SNTB1: variants seen among roughly 807,000 people sequenced by gnomAD.
The protein encoded by SNTB1 is beta-1-syntrophin.
Under a neutral mutation model 48.9 loss-of-function variants are expected in SNTB1, and 36 were observed. The ratio of observed to expected loss-of-function variants is 0.74; its 90% CI spans 0.56 to 0.97. The LOEUF (loss-of-function observed/expected upper bound fraction) is 0.97, where lower values mean the gene tolerates loss of function less well. Among genes scored for constraint, SNTB1 ranks in the 50% least tolerant of loss-of-function variants. The pLI is 0.00. For missense variants in SNTB1, 786 were observed against 703.4 expected (o/e 1.12, Z -1.33); for synonymous variants, 299 against 294.6 (o/e 1.01, Z -0.15).
At chr8:120,664,794 G>C (rs980340156) in intron 2 of SNTB1, among the ~76,000 whole-genome samples, 3 of 152,202 alleles carry the variant, frequency 2.0e-5, no homozygotes, top group African/African-American at 7.2e-5. Context: ...ATAGCTAGGA[G>C]AGGAATTGCT....
chr8:120,603,992 T>C (rs186683615), intron 3 of SNTB1, among the ~76,000 whole-genome samples: 1 of 152,088 alleles, frequency 6.6e-6, no homozygotes, highest in African/African-American at 2.4e-5. Flanking sequence ...TCAAAAGGAA[T>C]CCTGCTCTTC....
intron 1 of SNTB1, among the ~76,000 whole-genome samples, chr8:120,784,915 C>T (rs1819897092): frequency 6.6e-6 from 1 of 152,162 alleles, no homozygotes; most frequent in Non-Finnish European, 1.5e-5. Context: ...GCCTCTATGA[C>T]ACAACCCCAC....
At chr8:120,784,558 G>A (rs1029371301) in intron 1 of SNTB1, among the ~76,000 whole-genome samples, 1 of 152,132 alleles carries the variant, frequency 6.6e-6, no homozygotes, top group African/African-American at 2.4e-5. Flanking sequence ...ACAAAGGAGA[G>A]ACACCTGACC....
At chr8:120,629,095 C>T (rs1230997640) in intron 3 of SNTB1, among the ~76,000 whole-genome samples, 1 of 152,174 alleles carries the variant, frequency 6.6e-6, no homozygotes, top group Non-Finnish European at 1.5e-5. Flanking sequence ...CTCTGGTCTT[C>T]CCCTGACTCC....
At chr8:120,552,915 AT>A (rs1815505427) in intron 4 of SNTB1, among the ~76,000 whole-genome samples, 1 of 152,058 alleles carries the variant, frequency 6.6e-6, no homozygotes, top group African/African-American at 2.4e-5. Flanking sequence ...ATGATGCCTT[AT>A]GAGAATCATC....
intron 1 of SNTB1, among the ~76,000 whole-genome samples, chr8:120,724,107 T>C (rs557705578): frequency 1.3e-5 from 2 of 152,312 alleles, no homozygotes; most frequent in East Asian, 1.9e-4. Flanking sequence ...AAGAAACCTA[T>C]GGAAGAGAGC....
chr8:120,555,734 A>G (rs1414501802), intron 4 of SNTB1, among the ~76,000 whole-genome samples: 1 of 152,148 alleles, frequency 6.6e-6, no homozygotes, highest in East Asian at 1.9e-4. Flanking sequence ...CTATAGCAAT[A>G]GGACCTACAA....
intron 2 of SNTB1, among the ~76,000 whole-genome samples, chr8:120,676,500 C>A (rs114302462): frequency 1.3e-5 from 2 of 152,336 alleles, no homozygotes; most frequent in East Asian, 1.9e-4. Flanking sequence ...CTACAACTTG[C>A]AGACTGCTAT....
At chr8:120,558,277 T>C (rs996285970) in intron 4 of SNTB1, among the ~76,000 whole-genome samples, 1 of 152,200 alleles carries the variant, frequency 6.6e-6, no homozygotes, top group Non-Finnish European at 1.5e-5. Flanking sequence ...GCAAGAACTA[T>C]ACTATAGTAA....
At chr8:120,571,102 T>G (rs1291202640) in intron 4 of SNTB1, 26 of 724,754 alleles carry the variant, frequency 3.6e-5, no homozygotes, top group Non-Finnish European at 4.9e-5. Flanking sequence ...AATGAATGAA[T>G]GAATGAAAAA....
At chr8:120,555,905 G>T (rs556788747) in intron 4 of SNTB1, among the ~76,000 whole-genome samples, 84 of 152,268 alleles carry the variant, frequency 5.5e-4, no homozygotes, top group Admixed American at 6.5e-5. Flanking sequence ...GCAGCCATCC[G>T]CAAGCCAGGA....
chr8:120,578,333 C>T (rs775558870), intron 3 of SNTB1, among the ~76,000 whole-genome samples: 3 of 152,090 alleles, frequency 2.0e-5, no homozygotes, highest in Non-Finnish European at 2.9e-5. Context: ...GTGCTACATA[C>T]GCTTCATTAT....
At chr8:120,617,217 G>A (rs1816728154) in intron 3 of SNTB1, among the ~76,000 whole-genome samples, 1 of 152,214 alleles carries the variant, frequency 6.6e-6, no homozygotes, top group Admixed American at 6.5e-5. Context: ...CACCCCTGGT[G>A]TAGAATCAGT....
At chr8:120,738,545 T>TTCC (rs1818987965) in intron 1 of SNTB1, among the ~76,000 whole-genome samples, 2 of 135,728 alleles carry the variant, frequency 1.5e-5, no homozygotes, top group African/African-American at 5.9e-5. Context: ...TCCTTCCTTC[T>TTCC]TTCCTTCCTT....
chr8:120,717,058 C>T lies in SNTB1; in HGVS notation c.572-23150G>A, dbSNP rs1361819474. Among the ~76,000 whole-genome samples the T allele has an allele frequency of 3.3e-5, 5 of 152,308 alleles. No individual in the cohort carries two copies. In the East Asian group the frequency reaches 7.7e-4, roughly 23 times the overall value. ...CACTGAATCTCTCCTTGGCTCATCA[C>T]GCTCCAGGCATTCTTGCAGATCACT... On this transcript the variant is annotated intron_variant, in intron 1 of 6. Transcript: ENST00000517992.
At chr8:120,602,399 G>T (rs1816434143) in intron 3 of SNTB1, among the ~76,000 whole-genome samples, 2 of 152,158 alleles carry the variant, frequency 1.3e-5, no homozygotes, top group African/African-American at 4.8e-5. Context: ...TAATCACATT[G>T]ACTTTGAGTA....
chr8:120,748,184 T>A (rs1170097206), intron 1 of SNTB1, among the ~76,000 whole-genome samples: 2 of 152,196 alleles, frequency 1.3e-5, no homozygotes, highest in Non-Finnish European at 2.9e-5. Context: ...TCAAATAAGC[T>A]CTGTTGTGGC....
chr8:120,635,646 T>C, intron 2 of SNTB1: 1 of 176,960 alleles, frequency 5.7e-6, no homozygotes, highest in Non-Finnish European at 1.3e-5. Context: ...TAGTTTCATC[T>C]TCATTTCTGA....
In SNTB1 at chr8:120,606,433, G is replaced by A. The variant is rs370885046; in HGVS notation, c.996+26011C>T. 1.9e-3 allele frequency among the ~76,000 whole-genome samples: 150 copies of A among 77,370 alleles called. 1 individual carries two copies. The highest frequency in any genetic ancestry group is 6.3e-3 in the African/African-American group (117 of 18,576). The allele number at this position is 77,370 out of a possible 152,430, so 50.8% of individuals were successfully genotyped here. On this transcript the variant is annotated intron_variant, in intron 3 of 6. Transcript: ENST00000517992. ...TATGTGTGTGTGTGTGTGTGTGTGT[G>A]TATATACACACACTCCAAATCATTA...
Sources: allele counts gnomAD v4.1 joint callset (sites outside exome capture counted in the v4.1 genomes callset), GRCh38; gene constraint gnomAD v4.1.1; transcripts MANE v1.5; gene names NCBI Gene and HGNC (gene_info 2026-07-23, HGNC 2026-07-21).